Variants in PIGR observed in about 807,000 individuals in gnomAD.
The protein encoded by PIGR is polymeric immunoglobulin receptor, also known as hepatocellular carcinoma associated protein TB6.
Under a neutral mutation model 69.5 loss-of-function variants are expected in PIGR, and 22 were observed. The observed-to-expected ratio is 0.32, with a 90% CI of 0.23 to 0.45. The LOEUF (loss-of-function observed/expected upper bound fraction) is 0.45, where lower values mean the gene tolerates loss of function less well. Ranked by LOEUF, PIGR falls within the 20% of genes least tolerant of loss-of-function variation. The pLI, the probability that PIGR is intolerant of heterozygous loss-of-function variation, is 1.00. For synonymous variants in PIGR, 413 were observed against 407.6 expected (o/e 1.01, Z -0.16); for missense variants, 885 against 974.0 (o/e 0.91, Z 1.22).
chr1:206,943,025 C>T (rs567618419), intron 1 of PIGR, among the ~76,000 whole-genome samples: 1 of 152,160 alleles, frequency 6.6e-6, no homozygotes, highest in African/African-American at 2.4e-5. Flanking sequence ...ATTACAGACC[C>T]CTTCCTCTCA....
intron 2 of PIGR, among the ~76,000 whole-genome samples, chr1:206,939,727 A>T (rs1204693285): frequency 6.6e-6 from 1 of 152,126 alleles, no homozygotes; most frequent in African/African-American, 2.4e-5. Context: ...TTTTTATTTT[A>T]TATATTTTTA....
At chr1:206,938,232 C>A (rs977864651) in intron 3 of PIGR, among the ~76,000 whole-genome samples, 1 of 152,192 alleles carries the variant, frequency 6.6e-6, no homozygotes, top group African/African-American at 2.4e-5. Flanking sequence ...GTGAAATGGG[C>A]TGTCTCAGGG....
At chr1:206,945,722 G>A (rs1267375927) in intron 1 of PIGR, among the ~76,000 whole-genome samples, 1 of 152,218 alleles carries the variant, frequency 6.6e-6, no homozygotes, top group Non-Finnish European at 1.5e-5. Flanking sequence ...AAAGCCACAA[G>A]TGGGAAACCT....
Position 206,934,606 on chromosome 1 carries a change from G to C in PIGR, c.1519C>G (p.Pro507Ala), listed in dbSNP as rs1335826897. The change falls in exon 6 of 11, where the codon CCC (proline) becomes GCC (alanine). Residue 507 changes from proline (P) to alanine (A), a missense_variant. Physicochemically the swap from Pro to Ala is conservative, Grantham distance 27. Transcript: ENST00000356495. ...TTGCTGGGGCCTTCGTCTTGGCTGG[G>C]CAGGGCCTGGCAGCCCGTGTTATTC... is the stretch of plus-strand genomic sequence containing the variant. ...KWNNTGCQAL[P>A]SQDEGPSKAF... is the part of the protein sequence containing the mutation. 1 of 1,614,068 alleles carries C rather than the reference G, an allele frequency of 6.2e-7. No individual in the cohort carries two copies. The highest frequency in any genetic ancestry group is 1.3e-5 in the African/African-American group (1 of 74,914).
chr1:206,940,642 C>T (rs2102602980), intron 1 of PIGR, 58 bp from the exon 2 acceptor site: 3 of 1,087,382 alleles, frequency 2.8e-6, no homozygotes, highest in Non-Finnish European at 3.9e-6. Context: ...GACTAGTTGA[C>T]CTTAGAGTTT....
Position 206,935,475 on chromosome 1 carries a change from T to TCAACTC in PIGR, c.1378+5_1378+10dup, listed in dbSNP as rs763347438. 2.5e-6 allele frequency: 4 copies of TCAACTC among 1,599,286 alleles called. No individual in the cohort carries two copies. The African/African-American group carries it at 4.0e-5, about 16-fold the overall frequency. On this transcript the variant is annotated intron_variant, in intron 5 of 10. Transcript: ENST00000356495. The surrounding 1 kb of genome is among the most constrained non-coding windows in gnomAD (Gnocchi z 4.4). ...GGTTTTAGAGCTTTCTCCCTCCCTGTCAACTCCTACCTTCGATAATCTTGA... is the reference window on the plus strand; with the variant it reads ...GGTTTTAGAGCTTTCTCCCTCCCTGTCAACTCCAACTCCTACCTTCGATAATCTTGA...
In PIGR at chr1:206,930,477, G is replaced by A; in HGVS notation, c.2200-64C>T. 1 of 1,547,920 alleles carries A rather than the reference G, an allele frequency of 6.5e-7. No homozygotes were observed. Among genetic ancestry groups the A allele is most frequent in the Non-Finnish European group, 8.7e-7 (1 of 1,147,066 alleles). On this transcript the variant is annotated intron_variant, in intron 10 of 10. Coordinates refer to ENST00000356495, the MANE Select transcript of PIGR (RefSeq NM_002644.4). This position sits in a 1 kb window ranked among gnomAD's most constrained non-coding sequence, Gnocchi z 4.3. Reference sequence around the variant, plus strand: ...TGGCTCAGTGGGTGGAGTCAGGGGAGGGGAGGTGCTTAATGTCCTGAATTC... The same window carrying A: ...TGGCTCAGTGGGTGGAGTCAGGGGAAGGGAGGTGCTTAATGTCCTGAATTC...
At chr1:206,945,829 A>G (rs1388588587) in intron 1 of PIGR, among the ~76,000 whole-genome samples, 1 of 152,268 alleles carries the variant, frequency 6.6e-6, no homozygotes, top group Non-Finnish European at 1.5e-5. Context: ...TAATTAAACT[A>G]AACTGAAAAA....
In PIGR at chr1:206,935,667, C is replaced by T. The variant is rs139450807; in HGVS notation, c.1197G>A (p.Val399=). 9.0e-5 allele frequency: 145 copies of T among 1,614,016 alleles called. No individual in the cohort carries two copies. The African/African-American group carries it at 1.8e-3, about 20-fold the overall frequency. Residue 399 remains valine, a synonymous_variant, in exon 5 of 11, where the codon GTG becomes GTA. Transcript: ENST00000356495. The surrounding 1 kb of genome is among the most constrained non-coding windows in gnomAD (Gnocchi z 4.4). ...GGGCCTTAACCCACCCCTCGCTGTC[C>T]ACCAGCAGGGGGCAGCGGCCATTCT... The part of the protein sequence containing the change: ...GAQNGRCPLL[V]DSEGWVKAQY...
chr1:206,944,753 A>T (rs1035188361), intron 1 of PIGR, among the ~76,000 whole-genome samples: 2 of 151,428 alleles, frequency 1.3e-5, no homozygotes, highest in Non-Finnish European at 3.0e-5. Flanking sequence ...ATGCATAGGT[A>T]TTTTTTTTTA....
At position 206,931,291 on chromosome 1, in the gene PIGR, C is replaced by A. The variant is rs1679742081; in HGVS notation, c.2199+206G>T. ...GCCTAATCATATAGCTCACCTCCTT[C>A]CTGGGCCTTATCCACATCAGCATCC... On this transcript the variant is annotated intron_variant, in intron 10 of 10. Coordinates refer to ENST00000356495, the MANE Select transcript of PIGR (RefSeq NM_002644.4). The A allele has an allele frequency of 2.1e-6, 3 of 1,451,216 alleles. No individual in the cohort carries two copies. The East Asian group carries it at 7.5e-5, about 36-fold the overall frequency. 89.9% of individuals were successfully genotyped at this position (1,451,216 alleles called of 1,614,324 possible).
intron 1 of PIGR, 98 bp from the exon 2 acceptor site, chr1:206,940,682 A>G: frequency 1.5e-6 from 1 of 660,898 alleles, no homozygotes; most frequent in Non-Finnish European, 2.5e-6. Flanking sequence ...TTGTATCTCC[A>G]GCAACTGACA....
chr1:206,937,378 G>T lies in PIGR; in HGVS notation c.762C>A (p.Thr254=). The T allele has an allele frequency of 6.2e-7, 1 of 1,613,948 alleles. No individual in the cohort carries two copies. Among genetic ancestry groups the T allele is most frequent in the Non-Finnish European group, 8.5e-7 (1 of 1,179,852 alleles). Residue 254 remains threonine, a synonymous_variant, in exon 4 of 11, where the codon ACC becomes ACA. Coordinates refer to ENST00000356495, the MANE Select transcript of PIGR (RefSeq NM_002644.4). The part of the protein sequence containing the change: ...LVYEDLRGSV[T]FHCALGPEVA... ...CCTCAGGGCCCAGGGCACAGTGGAA[G>T]GTCACTGAGCCCCTCAGGTCTTCAT...
At chr1:206,934,371 G>A in intron 6 of PIGR, 49 bp downstream of exon 6, 1 of 1,506,338 alleles carries the variant, frequency 6.6e-7, no homozygotes, top group South Asian at 1.2e-5. Context: ...CCTTCAGGAA[G>A]TCCTGCCTCT....
rs545344719 is a variant in PIGR, at chr1:206,941,307, C to G, written c.-53-723G>C. Among the ~76,000 whole-genome samples, 230 of 152,202 alleles carry G rather than the reference C, an allele frequency of 1.5e-3. 3 individuals are homozygous for G. Among genetic ancestry groups the G allele is most frequent in the African/African-American group, 5.5e-3 (227 of 41,518 alleles). On this transcript the variant is annotated intron_variant, in intron 1 of 10. Coordinates refer to ENST00000356495, the MANE Select transcript of PIGR (RefSeq NM_002644.4). The stretch of plus-strand genomic sequence containing the variant: ...AATGGGGGTCGGGGAAGATTTGGGC[C>G]CACCTTTGTCTGACTGCAAAGTCCA...
intron 6 of PIGR, 97 bp downstream of exon 6, chr1:206,934,323 T>C: frequency 3.7e-6 from 4 of 1,069,670 alleles, no homozygotes; most frequent in South Asian, 3.3e-5. Flanking sequence ...CAGCCAAACA[T>C]AGGGGCCAGC....
rs776231853 is a variant in PIGR, at chr1:206,939,249, G to A, written c.258C>T (p.Asn86=). The A allele has an allele frequency of 6.2e-7, 1 of 1,614,230 alleles. No homozygotes were observed. Among genetic ancestry groups the A allele is most frequent in the East Asian group, 2.2e-5 (1 of 44,884 alleles). ...CCACAAATGTGCCGTTCTCCGGGAA[G>A]TTGGTGAGGTTAGCCCTGCCTGCAT... ...SKYAGRANLT[N]FPENGTFVVN... Residue 86 remains asparagine (N), a synonymous_variant, in exon 3 of 11, where the codon AAC becomes AAT. Transcript: ENST00000356495.
At chr1:206,945,551 GACCTCTTTTTTTCT>G (rs1680087607) in intron 1 of PIGR, among the ~76,000 whole-genome samples, 1 of 152,218 alleles carries the variant, frequency 6.6e-6, no homozygotes, top group South Asian at 2.1e-4. Flanking sequence ...ATCCCGTGAG[GACCTCTTTTTTTCT>G]ACCTCTAGGA....
intron 3 of PIGR, among the ~76,000 whole-genome samples, chr1:206,938,539 G>C (rs1679913902): frequency 1.3e-5 from 2 of 152,170 alleles, no homozygotes; most frequent in African/African-American, 4.8e-5. Flanking sequence ...ACCCTTGTCA[G>C]AAAGAGCTTT....
Sources: gnomAD v4.1 joint callset for allele counts (sites outside exome capture counted in the v4.1 genomes callset) on GRCh38, gnomAD v4.1.1 for gene constraint, Gnocchi (gnomAD v3.1) non-coding constraint, MANE v1.5 for transcripts, NCBI Gene and HGNC (gene_info 2026-07-23, HGNC 2026-07-21) for gene names.